CFHR1: variants seen among roughly 807,000 people sequenced by gnomAD.
The protein encoded by CFHR1 is complement factor H-related protein 1.
A neutral mutation model predicts 30.4 loss-of-function variants in CFHR1; 22 were observed. The observed-to-expected ratio is 0.72, with a 90% CI of 0.52 to 1.03. CFHR1 has a LOEUF of 1.03. Ranked by LOEUF, CFHR1 falls within the 50% of genes least tolerant of loss-of-function variation. The pLI is 0.00. For synonymous variants in CFHR1, 95 were observed against 129.1 expected (o/e 0.74, Z 1.79); for missense variants, 248 against 380.6 (o/e 0.65, Z 2.90).
chr1:196,823,062 GTGGTGAATAACTGTACGACTGTATATA>G (rs1373056407), intron 1 of CFHR1, among the ~76,000 whole-genome samples: 1 of 132,344 alleles, frequency 7.6e-6, no homozygotes, highest in Non-Finnish European at 1.6e-5. Flanking sequence ...ATGTCATTAT[GTGGTGAATAACTGTACGACTGTATATA>G]TATATATATA....
rs1210942837 is a variant in CFHR1 at position 196,831,708 on chromosome 1, C to T, written c.791-89C>T. The T allele has an allele frequency of 2.2e-6, 3 of 1,353,384 alleles. 1 individual carries two copies. The highest frequency in any genetic ancestry group is 2.0e-6 in the Non-Finnish European group (2 of 986,252). 83.8% of individuals were successfully genotyped at this position (1,353,384 alleles called of 1,614,324 possible). ...GTGTTTTGAGAAATAATTCCTGAAC[C>T]ATCATATAACATTCTACTTGAAAAC... On this transcript the variant is annotated intron_variant, in intron 5 of 5. Coordinates refer to ENST00000320493, the MANE Select transcript of CFHR1 (RefSeq NM_002113.3).
rs1655160190 is a variant in CFHR1 at position 196,822,609 on chromosome 1, T to C, written c.58+2707T>C. 1.5e-5 allele frequency among the ~76,000 whole-genome samples: 2 copies of C among 134,402 alleles called. 1 individual carries two copies. Among genetic ancestry groups the C allele is most frequent in the Non-Finnish European group, 3.1e-5 (2 of 64,258 alleles). 88.2% of individuals were successfully genotyped at this position (134,402 alleles called of 152,430 possible). On this transcript the variant is annotated intron_variant, in intron 1 of 5. Transcript: ENST00000320493. ...CAGGATCATCAGTATCACTGTCTTCTTCCCCCGCTCTTGTCCCACTGGAAG... is the reference window on the plus strand; with the variant it reads ...CAGGATCATCAGTATCACTGTCTTCCTCCCCCGCTCTTGTCCCACTGGAAG...
rs1655573450 is a variant in CFHR1, at chr1:196,831,866, A to G, written c.860A>G (p.Lys287Arg). ...NIALRWTAKQ[K>R]LYLRTGESAE... ...GCATTAAGGTGGACAGCCAAACAGA[A>G]GCTTTATTTGAGAACAGGTGAATCA... is the stretch of plus-strand genomic sequence containing the variant. The change falls in exon 6 of 6, where the codon AAG becomes AGG. Residue 287 changes from lysine (K) to arginine (R), a missense_variant. This residue lies in a region of CFHR1 where 112 missense variants were observed against 156.4 expected (regional missense o/e 0.72). Transcript: ENST00000320493. The G allele has an allele frequency of 1.3e-6, 2 of 1,525,502 alleles. No individual in the cohort carries two copies. The highest frequency in any genetic ancestry group is 2.2e-5 in the East Asian group (1 of 44,624). The allele number at this position is 1,525,502 out of a possible 1,614,324, so 94.5% of individuals were successfully genotyped here. A position where few individuals can be genotyped will look rare whatever the true frequency, so the allele number is the denominator to read the frequency against.
At chr1:196,828,323 T>A in intron 4 of CFHR1, 77 bp downstream of exon 4, 2 of 1,015,430 alleles carry the variant, frequency 2.0e-6, no homozygotes, top group Non-Finnish European at 2.7e-6. Context: ...CAAAATGAAG[T>A]CATTTTTATT....
chr1:196,827,006 G>A lies in CFHR1; in HGVS notation c.430+1G>A. ...ACCCCTCCCAAATGCAGGTCCACTG[G>A]TAAGTACAATGCTGTTCTCTCATAT... On this transcript the variant is annotated splice_donor_variant, in intron 3 of 5. Coordinates refer to ENST00000320493, the MANE Select transcript of CFHR1 (RefSeq NM_002113.3). LOFTEE classifies it high-confidence loss of function. 6.6e-7 allele frequency: 1 copy of A among 1,522,580 alleles called. No homozygotes were observed. The highest frequency in any genetic ancestry group is 8.9e-7 in the Non-Finnish European group (1 of 1,127,062). The allele number at this position is 1,522,580 out of a possible 1,614,324, so 94.3% of individuals were successfully genotyped here. A position where few individuals can be genotyped will look rare whatever the true frequency, so the allele number is the denominator to read the frequency against.
rs1166482285 is a variant in CFHR1, at chr1:196,830,204, T to C, written c.608-296T>C. On this transcript the variant is annotated intron_variant, in intron 4 of 5. Coordinates refer to ENST00000320493, the MANE Select transcript of CFHR1 (RefSeq NM_002113.3). ...TGAATATGAAATAAGAAACTTTCTT[T>C]GTCATAGTTTTCTATGTTTAGCATG... Among the ~76,000 whole-genome samples the C allele has an allele frequency of 1.5e-5, 2 of 135,870 alleles. 1 individual carries two copies. Among genetic ancestry groups the C allele is most frequent in the Non-Finnish European group, 3.1e-5 (2 of 64,456 alleles). 89.1% of individuals were successfully genotyped at this position (135,870 alleles called of 152,430 possible). A position where few individuals can be genotyped will look rare whatever the true frequency, so the allele number is the denominator to read the frequency against.
In CFHR1 at chr1:196,830,371, T is replaced by C; in HGVS notation, c.608-129T>C. On this transcript the variant is annotated intron_variant, in intron 4 of 5. Transcript: ENST00000320493. ...AAAGGATTAAAATTTCTTCCAGGACTCATTTCTTTTACCAGAAATCACAAA... is the reference window on the plus strand; with the variant it reads ...AAAGGATTAAAATTTCTTCCAGGACCCATTTCTTTTACCAGAAATCACAAA... The C allele has an allele frequency of 1.2e-5, 13 of 1,047,890 alleles. No homozygotes were observed. In the Admixed American group the frequency reaches 2.0e-4, roughly 16 times the overall value. The allele number at this position is 1,047,890 out of a possible 1,614,324, so 64.9% of individuals were successfully genotyped here.
chr1:196,829,374 G>A lies in CFHR1; in HGVS notation c.608-1126G>A, dbSNP rs192592245. 4.5e-4 allele frequency among the ~76,000 whole-genome samples: 61 copies of A among 135,024 alleles called. 10 individuals are homozygous for A. The highest frequency in any genetic ancestry group is 3.8e-3 in the Admixed American group (53 of 14,112). 88.6% of individuals were successfully genotyped at this position (135,024 alleles called of 152,430 possible). A position where few individuals can be genotyped will look rare whatever the true frequency, so the allele number is the denominator to read the frequency against. Reference sequence around the variant, plus strand: ...AAAAACTTATGAGGAAAAAGATATCGTGTTATATTGACTCCTCTTTTTATC... The same window carrying A: ...AAAAACTTATGAGGAAAAAGATATCATGTTATATTGACTCCTCTTTTTATC... On this transcript the variant is annotated intron_variant, in intron 4 of 5. Transcript: ENST00000320493.
In CFHR1 at chr1:196,826,970, G is replaced by A. The variant is rs1655351294; in HGVS notation, c.395G>A (p.Arg132Gln). The A allele has an allele frequency of 2.6e-6, 4 of 1,520,956 alleles. No individual in the cohort carries two copies. The highest frequency in any genetic ancestry group is 4.5e-5 in the East Asian group (2 of 44,412). 94.2% of individuals were successfully genotyped at this position (1,520,956 alleles called of 1,614,324 possible). Reference protein sequence around the residue: ...NNENNISCVERGWSTPPKCRS... With the variant: ...NNENNISCVEQGWSTPPKCRS... The stretch of plus-strand genomic sequence containing the variant: ...GAGAACAACATTTCATGTGTAGAAC[G>A]GGGCTGGTCCACCCCTCCCAAATGC... The change falls in exon 3 of 6, where the codon CGG becomes CAG. Residue 132 changes from arginine to glutamine, a missense_variant. Arg to Gln is a conservative substitution (Grantham distance 43, BLOSUM62 1). Coordinates refer to ENST00000320493, the MANE Select transcript of CFHR1 (RefSeq NM_002113.3).
At position 196,831,885 on chromosome 1, in the gene CFHR1, T is replaced by A. The variant is rs1350755892; in HGVS notation, c.879T>A (p.Gly293=). The A allele has an allele frequency of 1.3e-6, 2 of 1,525,204 alleles. 1 individual carries two copies. The highest frequency in any genetic ancestry group is 3.5e-5 in the Admixed American group (2 of 57,934). 94.5% of individuals were successfully genotyped at this position (1,525,204 alleles called of 1,614,324 possible). A position where few individuals can be genotyped will look rare whatever the true frequency, so the allele number is the denominator to read the frequency against. ...AACAGAAGCTTTATTTGAGAACAGG[T>A]GAATCAGCTGAATTTGTGTGTAAAC... ...TAKQKLYLRT[G]ESAEFVCKRG... is the part of the protein sequence containing the mutation. The change falls in exon 6 of 6, where the codon GGT becomes GGA. Residue 293 remains glycine, a synonymous_variant. Transcript: ENST00000320493.
rs1655341215 is a variant in CFHR1 at position 196,826,820 on chromosome 1, G to T, written c.254-9G>T. The T allele has an allele frequency of 1.3e-6, 2 of 1,518,792 alleles. 1 individual carries two copies. Among genetic ancestry groups the T allele is most frequent in the South Asian group, 2.5e-5 (2 of 80,032 alleles). 94.1% of individuals were successfully genotyped at this position (1,518,792 alleles called of 1,614,324 possible). A position where few individuals can be genotyped will look rare whatever the true frequency, so the allele number is the denominator to read the frequency against. ...CCATCTTGTACATTAATCCGTTTTT[G>T]GTCCTTAGGACTGTGTTTCTTTCCT... is the stretch of plus-strand genomic sequence containing the variant. On this transcript the variant is annotated splice_polypyrimidine_tract_variant and intron_variant, in intron 2 of 5. Coordinates refer to ENST00000320493, the MANE Select transcript of CFHR1 (RefSeq NM_002113.3).
chr1:196,825,762 G>C, intron 2 of CFHR1, 91 bp downstream of exon 2: 1 of 1,275,710 alleles, frequency 7.8e-7, no homozygotes, highest in Non-Finnish European at 1.1e-6. Context: ...ATAATCACAG[G>C]GACAGTGACC....
intron 1 of CFHR1, among the ~76,000 whole-genome samples, chr1:196,822,589 T>A (rs1436851741): frequency 7.5e-6 from 1 of 134,178 alleles, no homozygotes; most frequent in East Asian, 2.0e-4. Flanking sequence ...AGAGTCAGGA[T>A]CATCAGTATC....
rs398848 is a variant in CFHR1, at chr1:196,823,338, T to A, written c.59-2139T>A. Among the ~76,000 whole-genome samples, 6 of 132,462 alleles carry A rather than the reference T, an allele frequency of 4.5e-5. 2 individuals are homozygous for A. The highest frequency in any genetic ancestry group is 9.5e-5 in the Non-Finnish European group (6 of 63,492). The allele number at this position is 132,462 out of a possible 152,430, so 86.9% of individuals were successfully genotyped here. On this transcript the variant is annotated intron_variant, in intron 1 of 5. Coordinates refer to ENST00000320493, the MANE Select transcript of CFHR1 (RefSeq NM_002113.3). ...TGAAGCATAGGTACAATATAAATGG[T>A]TGATGAAAACCAAGTTATTCTGGAT...
At chr1:196,830,238 C>T (rs1372244941) in intron 4 of CFHR1, among the ~76,000 whole-genome samples, 1 of 134,966 alleles carries the variant, frequency 7.4e-6, no homozygotes, top group East Asian at 2.0e-4. Context: ...TGTATTCATT[C>T]GGAAAGATAT....
At chr1:196,822,168 T>G (rs408382) in intron 1 of CFHR1, among the ~76,000 whole-genome samples, 45,528 of 115,120 alleles carry the variant, frequency 0.4, 13,103 homozygotes, top group East Asian at 0.49. Flanking sequence ...CACCATACAC[T>G]ACTAGAGGTG....
Position 196,826,854 on chromosome 1 carries a change from A to C in CFHR1, c.279A>C (p.Glu93Asp), listed in dbSNP as rs1296916650. The change falls in exon 3 of 6, where the codon GAA becomes GAC. Residue 93 changes from glutamate (E) to aspartate (D), a missense_variant. Glu to Asp is a conservative substitution (Grantham distance 45). Coordinates refer to ENST00000320493, the MANE Select transcript of CFHR1 (RefSeq NM_002113.3). ...CLRLCFFPFV[E>D]NGHSESSGQT... Reference sequence around the variant, plus strand: ...GACTGTGTTTCTTTCCTTTTGTGGAAAATGGTCATTCTGAATCTTCAGGAC... The same window carrying C: ...GACTGTGTTTCTTTCCTTTTGTGGACAATGGTCATTCTGAATCTTCAGGAC... 2.0e-6 allele frequency: 3 copies of C among 1,524,676 alleles called. 1 individual carries two copies. The African/African-American group carries it at 5.1e-5, about 26-fold the overall frequency. 94.4% of individuals were successfully genotyped at this position (1,524,676 alleles called of 1,614,324 possible). A position where few individuals can be genotyped will look rare whatever the true frequency, so the allele number is the denominator to read the frequency against.
In CFHR1 at chr1:196,825,883, C is replaced by G; in HGVS notation, c.253+212C>G. On this transcript the variant is annotated intron_variant, in intron 2 of 5. Transcript: ENST00000320493. ...TCTTGTGTTACCTGGAAATGCTCTA[C>G]GTGTTGAAATATATTAATTTTTTTA... is the stretch of plus-strand genomic sequence containing the variant. 2 of 454,236 alleles carry G rather than the reference C, an allele frequency of 4.4e-6. 1 individual carries two copies. Among genetic ancestry groups the G allele is most frequent in the South Asian group, 8.0e-5 (2 of 25,098 alleles). 28.1% of individuals were successfully genotyped at this position (454,236 alleles called of 1,614,324 possible). A position where few individuals can be genotyped will look rare whatever the true frequency, so the allele number is the denominator to read the frequency against.
intron 1 of CFHR1, chr1:196,821,106 T>G (rs1270731213): frequency 7.1e-6 from 1 of 141,262 alleles, no homozygotes; most frequent in Non-Finnish European, 1.5e-5. Context: ...CCCACAGTGT[T>G]GGGATTGCAG....
Sources: allele counts gnomAD v4.1 joint callset (sites outside exome capture counted in the v4.1 genomes callset), GRCh38; gene constraint gnomAD v4.1.1; regional missense constraint gnomAD v4.1.1; transcripts MANE v1.5; gene names NCBI Gene and HGNC (gene_info 2026-07-23, HGNC 2026-07-21).